The following AACS variants were observed in gnomAD, a reference collection of about 807,000 sequenced individuals.
The protein encoded by AACS is acetoacetyl-CoA synthetase.
A neutral mutation model predicts 83.1 loss-of-function variants in AACS; 69 were observed. The observed-to-expected ratio is 0.83, with a 90% CI of 0.68 to 1.01. The LOEUF is 1.01. AACS is among the 50% of genes least tolerant of loss of function. AACS has a pLI of 0.00. For synonymous variants in AACS, 333 were observed against 343.4 expected (o/e 0.97, Z 0.33); for missense variants, 866 against 882.2 (o/e 0.98, Z 0.23).
intron 3 of AACS, chr12:125,078,460 G>A (rs780721398): frequency 2.5e-6 from 1 of 394,976 alleles, no homozygotes. Flanking sequence ...GGCTCTGACT[G>A]GCTCTCCCGT....
chr12:125,138,570 T>C (rs1957432363), intron 17 of AACS: 1 of 152,216 alleles, frequency 6.6e-6, no homozygotes, highest in African/African-American at 2.4e-5. Context: ...CCAAAACAGT[T>C]GTTACCAAAC....
chr12:125,084,056 G>A (rs531355123), intron 3 of AACS, among the ~76,000 whole-genome samples: 3 of 152,240 alleles, frequency 2.0e-5, no homozygotes, highest in Non-Finnish European at 2.9e-5. Flanking sequence ...GGCTGGGTGC[G>A]GTGGTTCGCG....
Position 125,065,505 on chromosome 12 carries a change from G to C in AACS, c.-80G>C. ...GCGCTCCTGACCGTCGCTTCCTCCG[G>C]TCCCAGGTCCCCGGCCCTCGCCTCA... On this transcript the variant is annotated 5_prime_UTR_variant, in exon 1 of 18. Transcript: ENST00000316519. 2 of 1,347,240 alleles carry C rather than the reference G, an allele frequency of 1.5e-6. No individual in the cohort carries two copies. Among genetic ancestry groups the C allele is most frequent in the Non-Finnish European group, 9.6e-7 (1 of 1,043,146 alleles). The allele number at this position is 1,347,240 out of a possible 1,614,324, so 83.5% of individuals were successfully genotyped here.
intron 1 of AACS, among the ~76,000 whole-genome samples, chr12:125,068,424 A>C (rs1190818715): frequency 1.3e-5 from 2 of 152,300 alleles, no homozygotes; most frequent in South Asian, 2.1e-4. Context: ...TCGCCACTGC[A>C]CTGCAGCCTG....
chr12:125,124,408 A>G, intron 10 of AACS: 1 of 422,412 alleles, frequency 2.4e-6, no homozygotes, highest in East Asian at 4.2e-5. Flanking sequence ...CCAAGATACA[A>G]TACTCTGCAG....
chr12:125,105,725 C>T (rs1025209160), intron 7 of AACS: 1 of 152,214 alleles, frequency 6.6e-6, no homozygotes, highest in Admixed American at 6.5e-5. Flanking sequence ...ACGTGCCCAT[C>T]TGTGGAGAAT....
intron 6 of AACS, 102 bp downstream of exon 6, chr12:125,102,895 G>A: frequency 7.0e-7 from 1 of 1,429,848 alleles, no homozygotes; most frequent in Admixed American, 1.8e-5. Flanking sequence ...CCCAGATTGT[G>A]TTATATTCTC....
chr12:125,107,136 CT>C lies in AACS; in HGVS notation c.786del (p.Ala264ProfsTer49). The C allele has an allele frequency of 6.2e-7, 1 of 1,614,190 alleles. No individual in the cohort carries two copies. The highest frequency in any genetic ancestry group is 8.5e-7 in the Non-Finnish European group (1 of 1,180,032). ...KIPNSVFLDD[F>X]LATGTSEQAP... ...CGGCCCACAGTGTGTTTCTGGATGA[CT>C]TTCTTGCCACCGGCACCAGTGAGCA... On this transcript the variant is annotated frameshift_variant, in exon 8 of 18. Transcript: ENST00000316519. LOFTEE classifies it high-confidence loss of function.
At chr12:125,099,603 G>A (rs369389453) in intron 5 of AACS, among the ~76,000 whole-genome samples, 6 of 152,208 alleles carry the variant, frequency 3.9e-5, no homozygotes, top group East Asian at 3.8e-4. Context: ...GTAAATGAGC[G>A]AATATCGGTC....
At chr12:125,115,461 C>T (rs1351700414) in intron 9 of AACS, among the ~76,000 whole-genome samples, 1 of 152,138 alleles carries the variant, frequency 6.6e-6, no homozygotes, top group Non-Finnish European at 1.5e-5. Context: ...GGGGTTTCAC[C>T]ATGTTGAGCA....
At chr12:125,107,538 T>TG (rs1340560982) in intron 8 of AACS, among the ~76,000 whole-genome samples, 1 of 152,090 alleles carries the variant, frequency 6.6e-6, no homozygotes, top group East Asian at 1.9e-4. Flanking sequence ...GCCTTGGGGG[T>TG]GGGGGGTGCG....
intron 14 of AACS, among the ~76,000 whole-genome samples, chr12:125,131,912 TA>T (rs777790860): frequency 2.6e-5 from 4 of 152,246 alleles, no homozygotes; most frequent in African/African-American, 4.8e-5. Flanking sequence ...TTATTATTTT[TA>T]AAAACTTAAA....
intron 3 of AACS, among the ~76,000 whole-genome samples, chr12:125,077,370 C>T (rs1233893182): frequency 1.3e-5 from 2 of 151,700 alleles, no homozygotes; most frequent in Non-Finnish European, 2.9e-5. Context: ...ATTAGCCAGG[C>T]GTGGTGGCGG....
In AACS at chr12:125,129,015, T is replaced by C. The variant is rs764019666; in HGVS notation, c.1424-320T>C. On this transcript the variant is annotated intron_variant, in intron 13 of 17. Coordinates refer to ENST00000316519, the MANE Select transcript of AACS (RefSeq NM_023928.5). The surrounding 1 kb of genome is among the most constrained non-coding windows in gnomAD (Gnocchi z 4.3). The stretch of plus-strand genomic sequence containing the variant: ...GCGGGACACATAGAAGGACAGCGTG[T>C]ATGTGTTCAAAGGCATGCAGAGTGA... 1.1e-4 allele frequency: 22 copies of C among 204,746 alleles called. No homozygotes were observed. The Middle Eastern group carries it at 5.6e-3, about 52-fold the overall frequency. 12.7% of individuals were successfully genotyped at this position (204,746 alleles called of 1,614,324 possible).
At chr12:125,101,488 T>C (rs1331365405) in intron 5 of AACS, 1 of 152,202 alleles carries the variant, frequency 6.6e-6, no homozygotes, top group East Asian at 1.9e-4. Flanking sequence ...GGATTCAGGT[T>C]CCTCTTTAAT....
At chr12:125,118,387 T>C (rs889127893) in intron 9 of AACS, 10 of 469,972 alleles carry the variant, frequency 2.1e-5, no homozygotes, top group African/African-American at 4.0e-5. Flanking sequence ...CCTACATTGC[T>C]TTGTCTCTGT....
chr12:125,065,564 C>A lies in AACS; in HGVS notation c.-21C>A, dbSNP rs1265709156. The A allele has an allele frequency of 2.7e-6, 4 of 1,502,990 alleles. No individual in the cohort carries two copies. Among genetic ancestry groups the A allele is most frequent in the Non-Finnish European group, 2.7e-6 (3 of 1,126,136 alleles). 93.1% of individuals were successfully genotyped at this position (1,502,990 alleles called of 1,614,324 possible). ...CCCTGGTCCCCAGCCCTCGTCGCAGCCCCGGCCGCCCGCCGCCGCCATGTC... is the reference window on the plus strand; with the variant it reads ...CCCTGGTCCCCAGCCCTCGTCGCAGACCCGGCCGCCCGCCGCCGCCATGTC... On this transcript the variant is annotated 5_prime_UTR_variant, in exon 1 of 18. Transcript: ENST00000316519.
At chr12:125,138,830 CTT>C (rs1456464172) in intron 17 of AACS, 1 of 152,106 alleles carries the variant, frequency 6.6e-6, no homozygotes, top group Non-Finnish European at 1.5e-5. Flanking sequence ...GGATTTACCT[CTT>C]TTATTGCTGA....
chr12:125,129,137 G>A lies in AACS; in HGVS notation c.1424-198G>A. The A allele has an allele frequency of 1.6e-6, 1 of 614,322 alleles. No homozygotes were observed. The highest frequency in any genetic ancestry group is 2.6e-6 in the Non-Finnish European group (1 of 392,046). 38.1% of individuals were successfully genotyped at this position (614,322 alleles called of 1,614,324 possible). Reference sequence around the variant, plus strand: ...ACGTCCGAGACAGCGATTTTGGGGAGCACACAGGGAGGGGACTTCATCTGG... The same window carrying A: ...ACGTCCGAGACAGCGATTTTGGGGAACACACAGGGAGGGGACTTCATCTGG... On this transcript the variant is annotated intron_variant, in intron 13 of 17. Transcript: ENST00000316519. This position sits in a 1 kb window ranked among gnomAD's most constrained non-coding sequence, Gnocchi z 4.3.
Sources: gnomAD v4.1 joint callset for allele counts (sites outside exome capture counted in the v4.1 genomes callset) on GRCh38, gnomAD v4.1.1 for gene constraint, Gnocchi (gnomAD v3.1) non-coding constraint, MANE v1.5 for transcripts, NCBI Gene and HGNC (gene_info 2026-07-23, HGNC 2026-07-21) for gene names.